Variants in PARD3 observed in about 807,000 individuals in gnomAD.
PARD3 encodes the protein par-3 family cell polarity regulator.
In PARD3, 75 loss-of-function variants were observed where a neutral mutation model predicts 155.4. The ratio of observed to expected loss-of-function variants is 0.48; its 90% CI spans 0.40 to 0.58. PARD3 has a LOEUF of 0.58. Ranked by LOEUF, PARD3 falls within the 20% of genes least tolerant of loss-of-function variation. The pLI is 0.00. For synonymous variants in PARD3, 576 were observed against 610.5 expected (o/e 0.94, Z 0.83); for missense variants, 1,642 against 1,721.7 (o/e 0.95, Z 0.82).
intron 2 of PARD3, among the ~76,000 whole-genome samples, chr10:34,573,413 C>T (rs1297843163): frequency 2.6e-5 from 4 of 151,494 alleles, no homozygotes; most frequent in Non-Finnish European, 5.9e-5. Flanking sequence ...TAAGAATACA[C>T]AGAATCGAGC....
chr10:34,192,075 CT>C (rs1465859531), intron 22 of PARD3, among the ~76,000 whole-genome samples: 1 of 151,548 alleles, frequency 6.6e-6, no homozygotes, highest in African/African-American at 2.4e-5. Context: ...CACTTTCCTG[CT>C]TGTTTTTTTT....
intron 22 of PARD3, among the ~76,000 whole-genome samples, chr10:34,234,179 A>T (rs1428879709): frequency 1.3e-5 from 2 of 152,152 alleles, no homozygotes; most frequent in African/African-American, 4.8e-5. Flanking sequence ...TCAATTTCTG[A>T]TATAACTACT....
intron 1 of PARD3, among the ~76,000 whole-genome samples, chr10:34,761,414 A>C (rs1837426234): frequency 6.6e-6 from 1 of 152,252 alleles, no homozygotes; most frequent in Non-Finnish European, 1.5e-5. Flanking sequence ...CTGTCAAAAA[A>C]TAAAAGGAAT....
At chr10:34,768,475 T>C (rs1044224347) in intron 1 of PARD3, among the ~76,000 whole-genome samples, 2 of 149,426 alleles carry the variant, frequency 1.3e-5, no homozygotes, top group Non-Finnish European at 3.0e-5. Flanking sequence ...AAGAGACAAA[T>C]GGTTGCATTC....
At chr10:34,172,879 G>C (rs1359040385) in intron 22 of PARD3, among the ~76,000 whole-genome samples, 1 of 151,960 alleles carries the variant, frequency 6.6e-6, no homozygotes, top group Admixed American at 6.6e-5. Context: ...GAAGTAATGA[G>C]TAATGTATTC....
At chr10:34,633,242 AC>A (rs1300947821) in intron 2 of PARD3, among the ~76,000 whole-genome samples, 2 of 152,126 alleles carry the variant, frequency 1.3e-5, no homozygotes, top group Non-Finnish European at 2.9e-5. Context: ...CATTCACTAC[AC>A]CATGTAACAG....
intron 22 of PARD3, among the ~76,000 whole-genome samples, chr10:34,187,285 G>T (rs1446905326): frequency 6.6e-6 from 1 of 152,174 alleles, no homozygotes; most frequent in African/African-American, 2.4e-5. Flanking sequence ...CAGTGCTATT[G>T]AAGTGGCTCC....
rs572650297 is a variant in PARD3, at chr10:34,149,297, G to T, written c.3420-17714C>A. 2.0e-4 allele frequency among the ~76,000 whole-genome samples: 31 copies of T among 152,030 alleles called. 1 individual carries two copies. In the South Asian group the frequency reaches 6.0e-3, roughly 30 times the overall value. Reference sequence around the variant, plus strand: ...TTGAAACAGACTTCCCCCTTTCCTGGTAGTCTCCTCTTTCTTCTTGTATTC... The same window carrying T: ...TTGAAACAGACTTCCCCCTTTCCTGTTAGTCTCCTCTTTCTTCTTGTATTC... On this transcript the variant is annotated intron_variant, in intron 22 of 24. Transcript: ENST00000374788.
chr10:34,283,527 G>A (rs1407680401), intron 21 of PARD3, among the ~76,000 whole-genome samples: 2 of 152,052 alleles, frequency 1.3e-5, no homozygotes, highest in Admixed American at 6.6e-5. Flanking sequence ...CCTTTCATTG[G>A]TCTTTAAGTT....
intron 22 of PARD3, among the ~76,000 whole-genome samples, chr10:34,265,064 T>C (rs1486820679): frequency 6.6e-6 from 1 of 152,238 alleles, no homozygotes; most frequent in East Asian, 1.9e-4. Context: ...GCCAACATTT[T>C]TGTGAGTTTT....
intron 1 of PARD3, among the ~76,000 whole-genome samples, chr10:34,756,150 C>CATT (rs755572719): frequency 2.1e-5 from 2 of 94,544 alleles, no homozygotes; most frequent in African/African-American, 8.4e-5. Flanking sequence ...AAAAATGCAC[C>CATT]TTTTTTTTTT....
chr10:34,753,349 C>CT (rs1399500521), intron 1 of PARD3, among the ~76,000 whole-genome samples: 1 of 152,216 alleles, frequency 6.6e-6, no homozygotes, highest in African/African-American at 2.4e-5. Context: ...GGTGCAAGCC[C>CT]TGAGCCCTGT....
intron 22 of PARD3, among the ~76,000 whole-genome samples, chr10:34,197,151 A>T (rs1950985281): frequency 6.6e-6 from 1 of 152,198 alleles, no homozygotes; most frequent in Admixed American, 6.5e-5. Flanking sequence ...CCCGATTTAA[A>T]GTGTGTGTAT....
chr10:34,504,582 T>G (rs1204239133), intron 3 of PARD3, among the ~76,000 whole-genome samples: 2 of 152,204 alleles, frequency 1.3e-5, no homozygotes, highest in African/African-American at 4.8e-5. Context: ...GACTTCTTTT[T>G]TTCCTTTAAA....
At chr10:34,687,364 A>G (rs1271328709) in intron 2 of PARD3, among the ~76,000 whole-genome samples, 1 of 152,030 alleles carries the variant, frequency 6.6e-6, no homozygotes, top group East Asian at 1.9e-4. Flanking sequence ...GATCCCCAAT[A>G]AGTTTTTTAA....
At chr10:34,345,867 C>T in intron 15 of PARD3, 1 of 985,174 alleles carries the variant, frequency 1.0e-6, no homozygotes, top group Non-Finnish European at 1.2e-6. Flanking sequence ...AGAATAAGGA[C>T]TGACAAAAAG....
rs1444634033 is a variant in PARD3 at position 34,447,502 on chromosome 10, A to C, written c.714+2815T>G. 5.0e-4 allele frequency among the ~76,000 whole-genome samples: 72 copies of C among 144,628 alleles called. No homozygotes were observed. The South Asian group carries it at 5.6e-3, about 11-fold the overall frequency. 94.9% of individuals were successfully genotyped at this position (144,628 alleles called of 152,430 possible). Reference sequence around the variant, plus strand: ...TCTCAAAAAAAAAAAAAAAAAAAAAAAAAAAAAAAAAAAAAAAGGGCCAGT... The same window carrying C: ...TCTCAAAAAAAAAAAAAAAAAAAAACAAAAAAAAAAAAAAAAAGGGCCAGT... On this transcript the variant is annotated intron_variant, in intron 5 of 24. Coordinates refer to ENST00000374788, the MANE Select transcript of PARD3 (RefSeq NM_001184785.2).
intron 20 of PARD3, among the ~76,000 whole-genome samples, chr10:34,311,563 C>T (rs1018897582): frequency 4.6e-5 from 7 of 152,158 alleles, no homozygotes; most frequent in African/African-American, 4.8e-5. Context: ...ATCTGTGATT[C>T]GAACACTTGG....
intron 1 of PARD3, among the ~76,000 whole-genome samples, chr10:34,707,626 G>A (rs1395357894): frequency 6.6e-6 from 1 of 152,164 alleles, no homozygotes; most frequent in Non-Finnish European, 1.5e-5. Context: ...CAACTCGTGG[G>A]TTTAGTGCTT....
Sources: gnomAD v4.1 joint callset for allele counts (sites outside exome capture counted in the v4.1 genomes callset) on GRCh38, gnomAD v4.1.1 for gene constraint, MANE v1.5 for transcripts, NCBI Gene and HGNC (gene_info 2026-07-23, HGNC 2026-07-21) for gene names.